TMEM260: variants seen among roughly 807,000 people sequenced by gnomAD.
TMEM260 encodes transmembrane protein 260.
TMEM260 carries 82 observed loss-of-function variants against 88.9 expected under a neutral mutation model. The observed-to-expected ratio is 0.92, with a 90% confidence interval of 0.77 to 1.11. The LOEUF (loss-of-function observed/expected upper bound fraction) is 1.11. Among genes scored for constraint, TMEM260 ranks in the 50% least tolerant of loss-of-function variants. The probability of loss-of-function intolerance (pLI) is 0.00; values close to 1 mark genes in which losing one functional copy is unlikely to be tolerated. For missense variants in TMEM260, 902 were observed against 853.4 expected, an observed-to-expected ratio of 1.06 and a Z score of -0.71; for synonymous variants, 314 against 309.3, an observed-to-expected ratio of 1.02 and a Z score of -0.16.
chr14:56,583,783 G>A (rs1240153826), intron 1 of TMEM260, among the ~76,000 whole-genome samples: 1 of 152,080 alleles, frequency 6.6e-6, no homozygotes, highest in African/African-American at 2.4e-5. Context: ...GAAAATGAGT[G>A]AGAAGAGGTG....
intron 5 of TMEM260, 37 bp from the exon 6 acceptor site, chr14:56,609,069 T>C (rs1297694077): frequency 6.3e-7 from 1 of 1,591,488 alleles, no homozygotes; most frequent in South Asian, 1.1e-5. Context: ...TCTACTAAAA[T>C]AAACATTGTT....
intron 11 of TMEM260, 137 bp downstream of exon 11, chr14:56,621,839 A>C: frequency 3.2e-6 from 2 of 619,472 alleles, no homozygotes; most frequent in African/African-American, 1.9e-5. Flanking sequence ...GACATTCTAC[A>C]TGTTAGGTAG....
At chr14:56,608,281 A>G (rs1328041460) in intron 5 of TMEM260, among the ~76,000 whole-genome samples, 1 of 152,206 alleles carries the variant, frequency 6.6e-6, no homozygotes, top group African/African-American at 2.4e-5. Context: ...AAAATTGGCA[A>G]TTTCCAAATA....
At chr14:56,652,484 T>G (rs1890223686), downstream of TMEM260, among the ~76,000 whole-genome samples, 1 of 108,842 alleles carries the variant, frequency 9.2e-6, no homozygotes, top group African/African-American at 3.9e-5. Flanking sequence ...GGTGACAGAG[T>G]GTCTCAAAAA....
the TMEM260 span, among the ~76,000 whole-genome samples, chr14:56,662,653 G>A: frequency 8.5e-5 from 13 of 152,270 alleles, no homozygotes; most frequent in East Asian, 1.9e-3. Context: ...AACTATCTCC[G>A]ACTAGGCTTG....
chr14:56,598,629 T>C (rs899136621), intron 3 of TMEM260, among the ~76,000 whole-genome samples: 1 of 152,222 alleles, frequency 6.6e-6, no homozygotes, highest in Non-Finnish European at 1.5e-5. Flanking sequence ...GAGACTATCT[T>C]CTTACAGAAT....
intron 5 of TMEM260, among the ~76,000 whole-genome samples, chr14:56,607,657 T>G (rs1286252357): frequency 6.6e-6 from 1 of 152,154 alleles, no homozygotes; most frequent in East Asian, 1.9e-4. Context: ...TATAGTAATG[T>G]AGGTACATAT....
upstream of TMEM260, chr14:56,579,721 C>T (rs951662401): frequency 9.5e-6 from 4 of 423,264 alleles, no homozygotes; most frequent in South Asian, 1.3e-4. Flanking sequence ...CTCGCAGGGC[C>T]TGGCTCAAGG....
the TMEM260 span, among the ~76,000 whole-genome samples, chr14:56,658,583 G>C: frequency 6.6e-6 from 1 of 151,926 alleles, no homozygotes; most frequent in Non-Finnish European, 1.5e-5. Flanking sequence ...TTGAGAGACT[G>C]TCTACAAAAT....
At chr14:56,612,662 C>A in intron 7 of TMEM260, 2 of 170,264 alleles carry the variant, frequency 1.2e-5, no homozygotes, top group Non-Finnish European at 1.2e-5. Flanking sequence ...CAAGAAAAAA[C>A]ATCTGTATAT....
intron 15 of TMEM260, among the ~76,000 whole-genome samples, chr14:56,646,513 T>C (rs1485499928): frequency 6.6e-6 from 1 of 152,206 alleles, no homozygotes; most frequent in Admixed American, 6.5e-5. Flanking sequence ...ATTTTTGATG[T>C]TTCCTGTAGA....
At position 56,613,910 on chromosome 14, in the gene TMEM260, A is replaced by AAAAAAAAAAAAAAAAT. The variant is rs1465604052; in HGVS notation, c.857+1625_857+1626insAAAAAAAAAAAAAAAT. The AAAAAAAAAAAAAAAAT allele has an allele frequency of 2.1e-4, 31 of 144,434 alleles. 1 individual carries two copies. In the East Asian group the frequency reaches 4.0e-3, roughly 18 times the overall value. 8.9% of individuals were successfully genotyped at this position (144,434 alleles called of 1,614,324 possible). ...CCCGTCTCTGCAAAAAAAAAAAAAA[A>AAAAAAAAAAAAAAAAT]TTTTTTTTTTGAGATGGCGTCTTGC... is the stretch of plus-strand genomic sequence containing the variant. On this transcript the variant is annotated intron_variant, in intron 7 of 15. Transcript: ENST00000261556.
At chr14:56,628,523 G>T (rs548296793) in intron 12 of TMEM260, among the ~76,000 whole-genome samples, 21 of 152,068 alleles carry the variant, frequency 1.4e-4, no homozygotes, top group Admixed American at 1.2e-3. Flanking sequence ...GAGTTCTATA[G>T]TTTTGTTTTT....
chr14:56,640,332 G>C (rs1889485619), intron 15 of TMEM260, among the ~76,000 whole-genome samples: 1 of 152,186 alleles, frequency 6.6e-6, no homozygotes. Flanking sequence ...TGCATTTGCA[G>C]TTCACCAATA....
intron 4 of TMEM260, among the ~76,000 whole-genome samples, chr14:56,605,108 C>T (rs183517838): frequency 1.2e-3 from 184 of 152,162 alleles, no homozygotes; most frequent in African/African-American, 4.2e-3. Context: ...GTTTGGTCAA[C>T]GAGAGAATCT....
chr14:56,579,734 G>C, upstream of TMEM260: 1 of 447,666 alleles, frequency 2.2e-6, no homozygotes, highest in Non-Finnish European at 3.7e-6. Context: ...GCTCAAGGGA[G>C]GCCTGGCATT....
intron 3 of TMEM260, among the ~76,000 whole-genome samples, chr14:56,586,174 A>G (rs1471721736): frequency 6.6e-6 from 1 of 152,110 alleles, no homozygotes; most frequent in Non-Finnish European, 1.5e-5. Context: ...GAGGTTTGTC[A>G]TTTTGTGAAG....
At chr14:56,630,526 T>C (rs1444583984) in intron 12 of TMEM260, among the ~76,000 whole-genome samples, 1 of 152,174 alleles carries the variant, frequency 6.6e-6, no homozygotes, top group African/African-American at 2.4e-5. Flanking sequence ...CAAACTTATA[T>C]TAAGCCATTT....
At chr14:56,625,003 C>T (rs567743429) in intron 11 of TMEM260, among the ~76,000 whole-genome samples, 10 of 152,276 alleles carry the variant, frequency 6.6e-5, no homozygotes, top group African/African-American at 2.2e-4. Context: ...AATAGGTTCA[C>T]ACTCCTGTGA....
Sources: gnomAD v4.1 joint callset for allele counts (sites outside exome capture counted in the v4.1 genomes callset) on GRCh38, gnomAD v4.1.1 for gene constraint, MANE v1.5 for transcripts, NCBI Gene and HGNC (gene_info 2026-07-23, HGNC 2026-07-21) for gene names.